The following HIVEP1 variants were observed in gnomAD, a reference collection of about 807,000 sequenced individuals.
HIVEP1 encodes zinc finger protein 40.
In HIVEP1, 36 loss-of-function variants were observed where a neutral mutation model predicts 180.0. The observed-to-expected ratio is 0.20, with a 90% confidence interval of 0.15 to 0.26. HIVEP1 has a LOEUF of 0.26. Ranked by LOEUF, HIVEP1 falls within the 10% of genes least tolerant of loss-of-function variation. The pLI is 1.00. For missense variants in HIVEP1, 3,143 were observed against 3,268.7 expected, an observed-to-expected ratio of 0.96 and a Z score of 0.94; for synonymous variants, 1,239 against 1,239.0, an observed-to-expected ratio of 1.00 and a Z score of 0.00.
At chr6:12,135,660 C>T in intron 6 of HIVEP1, 131 bp from the exon 7 acceptor site, 1 of 602,402 alleles carries the variant, frequency 1.7e-6, no homozygotes. Context: ...CTTTTGTTCA[C>T]ATTTTAGTCA....
chr6:12,145,259 G>T (rs1759300105), intron 7 of HIVEP1, among the ~76,000 whole-genome samples: 1 of 152,038 alleles, frequency 6.6e-6, no homozygotes, highest in Admixed American at 6.6e-5. Flanking sequence ...TGAGTAAACT[G>T]TCACAAGGAC....
chr6:12,089,127 T>A, intron 2 of HIVEP1, 57 bp from the exon 3 acceptor site: 1 of 937,804 alleles, frequency 1.1e-6, no homozygotes, highest in Non-Finnish European at 1.7e-6. Flanking sequence ...TTTGCTTTAC[T>A]GTACTCTTAT....
the HIVEP1 span, among the ~76,000 whole-genome samples, chr6:12,207,481 G>A: frequency 6.6e-6 from 1 of 151,940 alleles, no homozygotes; most frequent in Non-Finnish European, 1.5e-5. Context: ...ACCTATAATT[G>A]CTATTGAATT....
chr6:12,076,197 G>A (rs1772339382), intron 2 of HIVEP1, among the ~76,000 whole-genome samples: 1 of 151,964 alleles, frequency 6.6e-6, no homozygotes, highest in Non-Finnish European at 1.5e-5. Flanking sequence ...TAAGTTTTTA[G>A]ATATTCTTTC....
chr6:12,041,218 G>A (rs892883395), intron 2 of HIVEP1, among the ~76,000 whole-genome samples: 1 of 151,896 alleles, frequency 6.6e-6, no homozygotes, highest in African/African-American at 2.4e-5. Context: ...TCAGGAGATC[G>A]AGACCATCCT....
At chr6:12,119,834 T>A (rs1334944765) in intron 3 of HIVEP1, 56 bp from the exon 4 acceptor site, 3 of 1,095,808 alleles carry the variant, frequency 2.7e-6, no homozygotes, top group Non-Finnish European at 3.9e-6. Flanking sequence ...CAAAAAATTA[T>A]AGTTGGTGTA....
At chr6:12,047,773 C>T (rs1408054985) in intron 2 of HIVEP1, among the ~76,000 whole-genome samples, 1 of 152,200 alleles carries the variant, frequency 6.6e-6, no homozygotes, top group Non-Finnish European at 1.5e-5. Context: ...CCTGTGGATG[C>T]ACCCGGTAGG....
At chr6:12,011,622 T>A (rs1259425611), upstream of HIVEP1, among the ~76,000 whole-genome samples, 2 of 129,368 alleles carry the variant, frequency 1.5e-5, no homozygotes, top group Admixed American at 8.1e-5. Context: ...CTCCCGTCCC[T>A]GCGGCGGCTC....
upstream of HIVEP1, among the ~76,000 whole-genome samples, chr6:12,011,583 G>A (rs1379104996): frequency 2.0e-4 from 30 of 147,834 alleles, no homozygotes; most frequent in Admixed American, 6.7e-4. Flanking sequence ...TCCCCCCCGG[G>A]CTGCGCTGCC....
intron 2 of HIVEP1, among the ~76,000 whole-genome samples, chr6:12,082,862 T>A (rs187257032): frequency 4.4e-5 from 6 of 137,584 alleles, no homozygotes; most frequent in African/African-American, 1.6e-4. Context: ...AAATGGACTA[T>A]GTGTGTAAAT....
intron 2 of HIVEP1, among the ~76,000 whole-genome samples, chr6:12,051,485 G>A (rs1329768015): frequency 6.6e-6 from 1 of 152,006 alleles, no homozygotes; most frequent in Non-Finnish European, 1.5e-5. Context: ...AACCATTTAA[G>A]AATATTATGT....
chr6:12,187,868 G>GT, the HIVEP1 span, among the ~76,000 whole-genome samples: 3 of 152,122 alleles, frequency 2.0e-5, no homozygotes, highest in African/African-American at 7.2e-5. Flanking sequence ...TTACAGGTGT[G>GT]AGCCACCATG....
the HIVEP1 span, among the ~76,000 whole-genome samples, chr6:12,192,652 C>T: frequency 3.3e-5 from 5 of 152,210 alleles, no homozygotes; most frequent in East Asian, 3.9e-4. Flanking sequence ...TGTGAAGACG[C>T]GCTTGCTTCC....
At chr6:12,076,736 G>A (rs1290783109) in intron 2 of HIVEP1, among the ~76,000 whole-genome samples, 2 of 152,250 alleles carry the variant, frequency 1.3e-5, no homozygotes, top group East Asian at 1.9e-4. Context: ...TTGCATTGTG[G>A]ATTAAGTTTC....
chr6:12,093,275 A>T (rs72826081), intron 3 of HIVEP1, among the ~76,000 whole-genome samples: 9,876 of 151,980 alleles, frequency 0.065, 369 homozygotes, highest in Middle Eastern at 0.15. Context: ...TATATTTTGA[A>T]TAACTATTCA....
At chr6:12,014,362 G>C (rs1372188917) in intron 1 of HIVEP1, among the ~76,000 whole-genome samples, 2 of 152,184 alleles carry the variant, frequency 1.3e-5, no homozygotes, top group Non-Finnish European at 2.9e-5. Context: ...TCTTGGACAA[G>C]TTACTTATCC....
At chr6:12,074,619 A>AGTGTGTGTGTGTGTGTGTGTGT (rs113951055) in intron 2 of HIVEP1, among the ~76,000 whole-genome samples, 3 of 138,766 alleles carry the variant, frequency 2.2e-5, no homozygotes, top group Admixed American at 7.2e-5. Flanking sequence ...TGTATGAAAA[A>AGTGTGTGTGTGTGTGTGTGTGT]GTGTGTGTGT....
intron 3 of HIVEP1, among the ~76,000 whole-genome samples, chr6:12,109,032 T>A (rs984217170): frequency 3.3e-5 from 5 of 152,180 alleles, no homozygotes; most frequent in Non-Finnish European, 5.9e-5. Context: ...CAGGCTGGAG[T>A]GCAGCGGCGC....
chr6:12,030,518 A>G (rs189086266), intron 2 of HIVEP1, among the ~76,000 whole-genome samples: 277 of 152,242 alleles, frequency 1.8e-3, no homozygotes, highest in African/African-American at 6.4e-3. Context: ...CTTCAAATAT[A>G]TGGATTGTTT....
Sources: gnomAD v4.1 joint callset for allele counts (sites outside exome capture counted in the v4.1 genomes callset) on GRCh38, gnomAD v4.1.1 for gene constraint, MANE v1.5 for transcripts, NCBI Gene and HGNC (gene_info 2026-07-23, HGNC 2026-07-21) for gene names.